Variants in AHCY observed in about 807,000 individuals in gnomAD.
The protein encoded by AHCY is adenosylhomocysteinase, also known as S-adenosyl-L-homocysteine hydrolase.
In AHCY, 24 loss-of-function variants were observed where a neutral mutation model predicts 45.4. That is an observed-to-expected ratio of 0.53 (90% CI 0.38 to 0.74). The LOEUF (loss-of-function observed/expected upper bound fraction) is 0.74, where lower values mean the gene tolerates loss of function less well. Ranked by LOEUF, AHCY falls within the 30% of genes least tolerant of loss-of-function variation. The pLI is 0.00. For synonymous variants in AHCY, 245 were observed against 235.1 expected (o/e 1.04, Z -0.39); for missense variants, 449 against 594.1 (o/e 0.76, Z 2.54).
intron 5 of AHCY, 104 bp from the exon 6 acceptor site, chr20:34,291,042 C>G: frequency 8.8e-7 from 1 of 1,140,894 alleles, no homozygotes; most frequent in East Asian, 2.5e-5. Flanking sequence ...CATGGGCCCA[C>G]CAAGCATCCC....
the AHCY span, chr20:34,246,489 TC>T: frequency 7.3e-7 from 1 of 1,369,746 alleles, no homozygotes; most frequent in Non-Finnish European, 1.0e-6. Flanking sequence ...TTGGCACTGT[TC>T]CTTGGGTCTC....
chr20:34,237,009 C>G, the AHCY span, among the ~76,000 whole-genome samples: 1 of 152,244 alleles, frequency 6.6e-6, no homozygotes, highest in African/African-American at 2.4e-5. Flanking sequence ...TCAAAAATCA[C>G]TTGACCACAC....
chr20:34,284,525 A>G (rs989573213), intron 9 of AHCY, among the ~76,000 whole-genome samples: 2 of 152,124 alleles, frequency 1.3e-5, no homozygotes, highest in Admixed American at 6.5e-5. Flanking sequence ...CAGCTTATAC[A>G]CATGTCCAAG....
chr20:34,278,342 G>T (rs538496814), downstream of AHCY, among the ~76,000 whole-genome samples: 2 of 152,208 alleles, frequency 1.3e-5, no homozygotes, highest in Non-Finnish European at 2.9e-5. Context: ...GATCTGGCAG[G>T]AGGAAGCATT....
the AHCY span, among the ~76,000 whole-genome samples, chr20:34,274,945 T>C: frequency 0.024 from 3,679 of 152,084 alleles, 170 homozygotes; most frequent in African/African-American, 0.083. Flanking sequence ...AAATGAGACT[T>C]TGTCTCTTTA....
the AHCY span, among the ~76,000 whole-genome samples, chr20:34,257,977 C>G: frequency 6.6e-6 from 1 of 152,030 alleles, no homozygotes. Flanking sequence ...AACCTTGTCT[C>G]TACAAAAAAT....
At chr20:34,291,261 C>T (rs1045607292) in intron 5 of AHCY, among the ~76,000 whole-genome samples, 158 bp downstream of exon 5, 1 of 152,194 alleles carries the variant, frequency 6.6e-6, no homozygotes, top group African/African-American at 2.4e-5. Flanking sequence ...CTCTGACACC[C>T]CTTTTAAACG....
the AHCY span, chr20:34,249,882 CACAG>C: frequency 6.6e-6 from 1 of 152,220 alleles, no homozygotes; most frequent in Non-Finnish European, 1.5e-5. Flanking sequence ...CACAGTGTTT[CACAG>C]ACAATTTCAA....
At chr20:34,281,691 C>CA (rs2036007452) in intron 9 of AHCY, 1 of 202,530 alleles carries the variant, frequency 4.9e-6, no homozygotes, top group Non-Finnish European at 1.0e-5. Flanking sequence ...TTTTTTGTGA[C>CA]AGAGTCTCAT....
chr20:34,275,838 G>A (rs1288167049), downstream of AHCY, among the ~76,000 whole-genome samples: 4 of 151,768 alleles, frequency 2.6e-5, no homozygotes, highest in Admixed American at 1.3e-4. Flanking sequence ...CACCATGCCC[G>A]GCTAATTTTT....
chr20:34,270,083 T>G, the AHCY span, among the ~76,000 whole-genome samples: 1 of 150,506 alleles, frequency 6.6e-6, no homozygotes, highest in African/African-American at 2.5e-5. Context: ...CCCACCGGTC[T>G]GTACAAAAAG....
intron 1 of AHCY, chr20:34,302,999 G>C: frequency 1.0e-6 from 1 of 985,446 alleles, no homozygotes. Context: ...GCGGCTCGCA[G>C]ACCGCGCGGC....
At chr20:34,271,161 C>T in the AHCY span, among the ~76,000 whole-genome samples, 1 of 152,086 alleles carries the variant, frequency 6.6e-6, no homozygotes, top group African/African-American at 2.4e-5. Flanking sequence ...AGGCTGGTCT[C>T]AAACTCCTGG....
At position 34,290,537 on chromosome 20, in the gene AHCY, C is replaced by A. The variant is rs768882353; in HGVS notation, c.854+14G>T. On this transcript the variant is annotated intron_variant, in intron 7 of 9. Coordinates refer to ENST00000217426, the MANE Select transcript of AHCY (RefSeq NM_000687.4). The surrounding 1 kb of genome is among the most constrained non-coding windows in gnomAD (Gnocchi z 4.5). Reference sequence around the variant, plus strand: ...TCCTCCCTCACTCCCCGGGACCCCCCATCTGGCACCTACCGGCCAAGGATG... The same window carrying A: ...TCCTCCCTCACTCCCCGGGACCCCCAATCTGGCACCTACCGGCCAAGGATG... The A allele has an allele frequency of 1.5e-5, 25 of 1,614,014 alleles. No individual in the cohort carries two copies. Among genetic ancestry groups the A allele is most frequent in the Non-Finnish European group, 1.9e-5 (23 of 1,180,000 alleles).
In AHCY at chr20:34,280,878, G is replaced by A. The variant is rs2035976743; in HGVS notation, c.*156C>T. ...GCTGCCACATTTGGAACAGTATGAC[G>A]GCTGCAGCAGAGGCCAAAAACTAAG... On this transcript the variant is annotated 3_prime_UTR_variant, in exon 10 of 10. Coordinates refer to ENST00000217426, the MANE Select transcript of AHCY (RefSeq NM_000687.4). 7.0e-6 allele frequency: 8 copies of A among 1,135,156 alleles called. No homozygotes were observed. Among genetic ancestry groups the A allele is most frequent in the East Asian group, 2.6e-5 (1 of 38,746 alleles). The allele number at this position is 1,135,156 out of a possible 1,614,324, so 70.3% of individuals were successfully genotyped here.
chr20:34,278,802 T>C (rs2035934718), downstream of AHCY, among the ~76,000 whole-genome samples: 1 of 152,124 alleles, frequency 6.6e-6, no homozygotes. Flanking sequence ...TAGAACTTAA[T>C]GTGAGTCCCC....
chr20:34,298,194 C>A (rs991215057), intron 1 of AHCY, among the ~76,000 whole-genome samples: 1 of 151,830 alleles, frequency 6.6e-6, no homozygotes, highest in East Asian at 1.9e-4. Flanking sequence ...CACCCAGGCA[C>A]CGAGGCAAGA....
chr20:34,249,603 C>T, the AHCY span, among the ~76,000 whole-genome samples: 1 of 152,142 alleles, frequency 6.6e-6, no homozygotes, highest in African/African-American at 2.4e-5. Context: ...TAATGCTCTC[C>T]TGTCACCATC....
At chr20:34,298,617 G>GT (rs1296896736) in intron 1 of AHCY, among the ~76,000 whole-genome samples, 1 of 146,028 alleles carries the variant, frequency 6.8e-6, no homozygotes, top group Non-Finnish European at 1.5e-5. Context: ...GGAGGGGGGG[G>GT]GGTGTCTCCC....
Sources: allele counts gnomAD v4.1 joint callset (sites outside exome capture counted in the v4.1 genomes callset), GRCh38; gene constraint gnomAD v4.1.1; non-coding constraint Gnocchi (gnomAD v3.1); transcripts MANE v1.5; gene names NCBI Gene and HGNC (gene_info 2026-07-23, HGNC 2026-07-21).